The following DOCK9 variants were observed in gnomAD, a reference collection of about 807,000 sequenced individuals.
DOCK9 encodes dedicator of cytokinesis 9.
A neutral mutation model predicts 263.3 loss-of-function variants in DOCK9; 89 were observed. That is an observed-to-expected ratio of 0.34 (90% CI 0.28 to 0.40). The LOEUF (loss-of-function observed/expected upper bound fraction) is 0.40, where lower values mean the gene tolerates loss of function less well. Ranked by LOEUF, DOCK9 falls within the 10% of genes least tolerant of loss-of-function variation. The pLI is 1.00. For synonymous variants in DOCK9, 976 were observed against 973.1 expected, an observed-to-expected ratio of 1.00 and a Z score of -0.06; for missense variants, 2,140 against 2,603.4, an observed-to-expected ratio of 0.82 and a Z score of 3.87.
intron 2 of DOCK9, among the ~76,000 whole-genome samples, chr13:98,930,864 G>A (rs1263832004): frequency 5.3e-5 from 8 of 152,058 alleles, no homozygotes; most frequent in East Asian, 1.9e-4. Context: ...GGCTGGTCTC[G>A]AACTCCTAAT....
At chr13:98,944,316 A>T (rs1194815452) in intron 2 of DOCK9, among the ~76,000 whole-genome samples, 2 of 142,796 alleles carry the variant, frequency 1.4e-5, no homozygotes, top group Non-Finnish European at 3.0e-5. Flanking sequence ...TCAACTACCC[A>T]CTTAATCCTA....
At chr13:98,959,374 T>A (rs1226436677) in intron 1 of DOCK9, 2 of 152,176 alleles carry the variant, frequency 1.3e-5, no homozygotes, top group Non-Finnish European at 2.9e-5. Context: ...TCAAGGACTA[T>A]AAAAATTTTC....
chr13:98,881,787 C>T lies in DOCK9; in HGVS notation c.2675+105G>A, dbSNP rs574830344. ...CTTACACATGGGATCAAAGACATTT[C>T]TTAAATGTAATGTTCAGCACACAGT... On this transcript the variant is annotated intron_variant, in intron 24 of 52. Transcript: ENST00000682017. The T allele has an allele frequency of 1.1e-4, 145 of 1,286,238 alleles. 2 individuals carry two copies. The South Asian group carries it at 1.7e-3, about 15-fold the overall frequency. 79.7% of individuals were successfully genotyped at this position (1,286,238 alleles called of 1,614,324 possible).
chr13:99,085,841 G>T (rs1188662295), intron 1 of DOCK9, among the ~76,000 whole-genome samples: 3 of 146,682 alleles, frequency 2.0e-5, no homozygotes, highest in Non-Finnish European at 2.9e-5. Context: ...GAGGGAGGCC[G>T]GGGGAGGGAT....
At chr13:98,969,344 G>A (rs1015874024) in intron 1 of DOCK9, among the ~76,000 whole-genome samples, 3 of 152,172 alleles carry the variant, frequency 2.0e-5, no homozygotes, top group African/African-American at 4.8e-5. Flanking sequence ...GTGGAAGGGA[G>A]GCAAATGAAA....
chr13:99,087,659 C>T (rs755719360), upstream of DOCK9, among the ~76,000 whole-genome samples: 7 of 152,180 alleles, frequency 4.6e-5, no homozygotes, highest in Admixed American at 1.3e-4. Context: ...GCAGCCTAAC[C>T]CTCACAGGGC....
Position 98,902,323 on chromosome 13 carries a change from T to A in DOCK9, c.1345A>T (p.Ile449Phe). ...TACTGCATGGCGGCTTCATGAAGGATGCCCTTGAGGACAGATGGGCTCTGC... is the reference window on the plus strand; with the variant it reads ...TACTGCATGGCGGCTTCATGAAGGAAGCCCTTGAGGACAGATGGGCTCTGC... ...SGQSPSVLKG[I>F]LHEAAMQYPK... Residue 449 changes from isoleucine to phenylalanine, a missense_variant, in exon 12 of 53, where the codon ATC (isoleucine) becomes TTC (phenylalanine). Ile to Phe is a conservative substitution (Grantham distance 21). Around this residue, in one of 2 missense-constraint regions of DOCK9, gnomAD observed 1,521 missense variants for 1,741.7 expected, o/e 0.87. Coordinates refer to ENST00000682017, the MANE Select transcript of DOCK9 (RefSeq NM_001366683.2). 2 of 1,614,010 alleles carry A rather than the reference T, an allele frequency of 1.2e-6. No homozygotes were observed. The highest frequency in any genetic ancestry group is 1.7e-6 in the Non-Finnish European group (2 of 1,179,888).
Position 98,863,495 on chromosome 13 carries a change from C to T in DOCK9, c.3340G>A (p.Val1114Met). Residue 1114 changes from valine to methionine, a missense_variant, in exon 31 of 53, where the codon GTG (valine) becomes ATG (methionine). Val to Met is a conservative substitution (Grantham distance 21). Around this residue, in one of 2 missense-constraint regions of DOCK9, gnomAD observed 1,521 missense variants for 1,741.7 expected, o/e 0.87. Coordinates refer to ENST00000682017, the MANE Select transcript of DOCK9 (RefSeq NM_001366683.2). ...TDEFCRNHFL[V>M]GLLLREVGTA... ...CCCACCTCCCTCAGTAACAGTCCCA[C>T]CAAGAAGTGGTTTCTGCAGAACTCA... 6.2e-7 allele frequency: 1 copy of T among 1,613,896 alleles called. No individual in the cohort carries two copies. The highest frequency in any genetic ancestry group is 8.5e-7 in the Non-Finnish European group (1 of 1,179,870).
chr13:99,016,707 G>T (rs1221183522), intron 1 of DOCK9, among the ~76,000 whole-genome samples: 1 of 152,128 alleles, frequency 6.6e-6, no homozygotes. Flanking sequence ...CTTCAACAAT[G>T]AAAGGCTAAC....
At chr13:99,012,012 G>A (rs572034137) in intron 1 of DOCK9, among the ~76,000 whole-genome samples, 38 of 152,084 alleles carry the variant, frequency 2.5e-4, no homozygotes, top group African/African-American at 8.0e-4. Flanking sequence ...TTGTACAGAC[G>A]GGGTTTCACC....
Position 98,794,751 on chromosome 13 carries a change from T to C in DOCK9, c.6157-3A>G, listed in dbSNP as rs812808. 1,380,628 of 1,613,472 alleles carry C rather than the reference T, an allele frequency of 0.86. 594,464 individuals are homozygous for C. The highest frequency in any genetic ancestry group is 0.89 in the Non-Finnish European group (1,046,815 of 1,179,652). On this transcript the variant is annotated splice_polypyrimidine_tract_variant and splice_region_variant and intron_variant, in intron 52 of 52. Coordinates refer to ENST00000682017, the MANE Select transcript of DOCK9 (RefSeq NM_001366683.2). ...GTCTTCTCCTCCAGGGGGCAGATCT[T>C]GAGGACAGAAACACAACGTTACTGA...
At chr13:98,823,404 G>A (rs2092382940) in intron 45 of DOCK9, among the ~76,000 whole-genome samples, 3 of 152,208 alleles carry the variant, frequency 2.0e-5, no homozygotes, top group African/African-American at 7.2e-5. Context: ...TCAAGGGCCT[G>A]CCTCCCTGGC....
intron 9 of DOCK9, among the ~76,000 whole-genome samples, chr13:98,912,410 A>G (rs2050202657): frequency 6.6e-6 from 1 of 152,234 alleles, no homozygotes; most frequent in Non-Finnish European, 1.5e-5. Flanking sequence ...ATTGCAAATT[A>G]TACCTCAATA....
chr13:98,876,405 C>T (rs202156727), intron 27 of DOCK9, among the ~76,000 whole-genome samples: 4 of 152,174 alleles, frequency 2.6e-5, no homozygotes, highest in Non-Finnish European at 5.9e-5. Context: ...GCAGGAGAAT[C>T]GCTTGAACCC....
intron 1 of DOCK9, among the ~76,000 whole-genome samples, chr13:99,050,981 TAAG>T (rs1234854990): frequency 6.6e-6 from 1 of 152,168 alleles, no homozygotes; most frequent in Admixed American, 6.5e-5. Flanking sequence ...CAGGTGGACG[TAAG>T]AAGGATGAAG....
At chr13:98,797,299 G>T in intron 51 of DOCK9, 46 bp from the exon 52 acceptor site, 1 of 1,612,498 alleles carries the variant, frequency 6.2e-7, no homozygotes, top group Non-Finnish European at 8.5e-7. Flanking sequence ...AGAGGATAAG[G>T]CATGAGTCCA....
At chr13:99,086,328 G>T in exon 1 of DOCK9, 1 of 1,463,406 alleles carries the variant, frequency 6.8e-7, no homozygotes, top group Non-Finnish European at 9.0e-7. Flanking sequence ...CCGCCGAGGC[G>T]GGGAGCAGCG....
At chr13:98,987,492 A>C (rs1202091958) in intron 1 of DOCK9, among the ~76,000 whole-genome samples, 3 of 152,238 alleles carry the variant, frequency 2.0e-5, no homozygotes. Context: ...CTGTCGTTTC[A>C]AAAACAGGAG....
rs571660358 is a variant in DOCK9 at position 98,932,048 on chromosome 13, A to G, written c.244-1791T>C. On this transcript the variant is annotated intron_variant, in intron 2 of 52. Coordinates refer to ENST00000682017, the MANE Select transcript of DOCK9 (RefSeq NM_001366683.2). ...GGCCTGGGCTTCAGGTTTCAGAAAG[A>G]AATATTCTAGTTTTTTTCTCCTATG... is the stretch of plus-strand genomic sequence containing the variant. Among the ~76,000 whole-genome samples, 160 of 152,246 alleles carry G rather than the reference A, an allele frequency of 1.1e-3. 1 individual carries two copies. Among genetic ancestry groups the G allele is most frequent in the Non-Finnish European group, 4.9e-4 (33 of 68,030 alleles).
Sources: gnomAD v4.1 joint callset for allele counts (sites outside exome capture counted in the v4.1 genomes callset) on GRCh38, gnomAD v4.1.1 for gene constraint, gnomAD v4.1.1 regional missense constraint, MANE v1.5 for transcripts, NCBI Gene and HGNC (gene_info 2026-07-23, HGNC 2026-07-21) for gene names.